DOP1B: variants seen among roughly 807,000 people sequenced by gnomAD.
DOP1B encodes protein DOP1B.
A neutral mutation model predicts 233.5 loss-of-function variants in DOP1B; 174 were observed. That is an observed-to-expected ratio of 0.75 (90% CI 0.66 to 0.85). The LOEUF is 0.85. Among genes scored for constraint, DOP1B ranks in the 40% least tolerant of loss-of-function variants. The probability of loss-of-function intolerance (pLI) is 0.00; values close to 1 mark genes in which losing one functional copy is unlikely to be tolerated. For missense variants in DOP1B, 2,652 were observed against 2,846.6 expected (o/e 0.93, Z 1.56); for synonymous variants, 1,190 against 1,185.6 (o/e 1.00, Z -0.08).
chr21:36,258,921 C>T (rs921258691), intron 23 of DOP1B, among the ~76,000 whole-genome samples: 1 of 151,740 alleles, frequency 6.6e-6, no homozygotes, highest in African/African-American at 2.4e-5. Flanking sequence ...GGGATCTGGC[C>T]CAGGTCTCCC....
chr21:36,286,639 A>AACACAC (rs3029064), intron 32 of DOP1B, among the ~76,000 whole-genome samples: 5 of 146,570 alleles, frequency 3.4e-5, no homozygotes, highest in East Asian at 4.2e-4. Context: ...CCATCTCAAA[A>AACACAC]ACACACACAC....
intron 11 of DOP1B, among the ~76,000 whole-genome samples, chr21:36,223,617 C>A (rs1038551887): frequency 8.5e-5 from 13 of 152,148 alleles, no homozygotes; most frequent in Admixed American, 3.9e-4. Context: ...ATCCTCAGCG[C>A]ATTTTCTGGT....
intron 23 of DOP1B, among the ~76,000 whole-genome samples, chr21:36,259,539 C>A (rs2063408949): frequency 6.6e-6 from 1 of 152,170 alleles, no homozygotes; most frequent in Non-Finnish European, 1.5e-5. Flanking sequence ...TCCCAAACTT[C>A]CGGGATTATA....
intron 2 of DOP1B, among the ~76,000 whole-genome samples, chr21:36,184,641 C>G (rs1046994078): frequency 5.3e-5 from 8 of 152,368 alleles, no homozygotes; most frequent in East Asian, 1.9e-4. Flanking sequence ...AACAGGCTAT[C>G]GTGGAGAGCT....
intron 1 of DOP1B, among the ~76,000 whole-genome samples, chr21:36,159,460 A>G (rs2065851007): frequency 6.6e-6 from 1 of 152,216 alleles, no homozygotes; most frequent in Non-Finnish European, 1.5e-5. Context: ...TCAAAAAAAA[A>G]GAAGAAAAAC....
At chr21:36,176,498 G>A (rs1601384135) in intron 2 of DOP1B, among the ~76,000 whole-genome samples, 1 of 151,514 alleles carries the variant, frequency 6.6e-6, no homozygotes, top group Non-Finnish European at 1.5e-5. Flanking sequence ...CCTAAATTTG[G>A]GGCTATGATT....
Position 36,211,554 on chromosome 21 carries a change from T to C in DOP1B, c.683T>C (p.Val228Ala), listed in dbSNP as rs1294593719. Residue 228 changes from valine (V) to alanine (A), a missense_variant and splice_region_variant, in exon 6 of 37, where the codon GTG becomes GCG. Around this residue, in one of 3 missense-constraint regions of DOP1B, gnomAD observed 2,617 missense variants for 2,794.3 expected, o/e 0.94. Coordinates refer to ENST00000691173, the MANE Select transcript of DOP1B (RefSeq NM_001320714.2). The part of the protein sequence containing the change: ...YMLGTNHQLT[V>A]KSLRASLLDS... ...CTAGTGCCGTTTGATCGTTTACAGG[T>C]GAAGTCTTTGCGTGCCTCCCTGTTG... The C allele has an allele frequency of 3.1e-6, 5 of 1,613,910 alleles. No homozygotes were observed. The highest frequency in any genetic ancestry group is 1.3e-5 in the African/African-American group (1 of 74,918).
chr21:36,200,103 T>G (rs7282770), intron 3 of DOP1B, among the ~76,000 whole-genome samples: 51,644 of 152,066 alleles, frequency 0.34, 9,047 homozygotes, highest in African/African-American at 0.44. Flanking sequence ...CACCCCATTT[T>G]GACTTTGCTA....
chr21:36,207,510 T>G (rs1167472260), intron 4 of DOP1B, among the ~76,000 whole-genome samples: 3 of 150,488 alleles, frequency 2.0e-5, no homozygotes, highest in South Asian at 2.1e-4. Flanking sequence ...TTTTTTTTTT[T>G]TTTTTTTTTG....
intron 7 of DOP1B, among the ~76,000 whole-genome samples, chr21:36,213,106 A>G (rs1197386676): frequency 6.6e-6 from 1 of 152,206 alleles, no homozygotes; most frequent in African/African-American, 2.4e-5. Flanking sequence ...AGATCTTACC[A>G]AAGTCAAGAA....
intron 26 of DOP1B, among the ~76,000 whole-genome samples, chr21:36,264,628 C>G (rs539448794): frequency 6.6e-6 from 1 of 151,980 alleles, no homozygotes; most frequent in East Asian, 1.9e-4. Flanking sequence ...CATGCCACCA[C>G]GCCCGGCTAA....
Position 36,230,570 on chromosome 21 carries a change from T to C in DOP1B, c.1786T>C (p.Ser596Pro). ...GGACAGTGGGATCGGGCTCAGTGCC[T>C]CGTCACCGGAGCTCTCTGAGCACTT... Reference protein sequence around the residue: ...SEDSGIGLSASSPELSEHLRV... With the variant: ...SEDSGIGLSAPSPELSEHLRV... Residue 596 changes from serine to proline, a missense_variant, in exon 14 of 37, where the codon TCG becomes CCG. This residue lies in a region of DOP1B where 2,617 missense variants were observed against 2,794.3 expected (regional missense o/e 0.94). Transcript: ENST00000691173. 1 of 1,614,202 alleles carries C rather than the reference T, an allele frequency of 6.2e-7. No homozygotes were observed. The highest frequency in any genetic ancestry group is 1.1e-5 in the South Asian group (1 of 91,082).
At chr21:36,262,003 A>G in intron 24 of DOP1B, 1 of 980,606 alleles carries the variant, frequency 1.0e-6, no homozygotes, top group Non-Finnish European at 1.2e-6. Context: ...CTCACTGTAA[A>G]TAACTCCAAC....
intron 35 of DOP1B, among the ~76,000 whole-genome samples, chr21:36,289,610 G>A (rs2067534220): frequency 6.6e-6 from 1 of 152,062 alleles, no homozygotes; most frequent in South Asian, 2.1e-4. Flanking sequence ...GATTCACTTT[G>A]CCCCATAGGC....
At position 36,251,200 on chromosome 21, in the gene DOP1B, G is replaced by A. The variant is rs779184335; in HGVS notation, c.5037G>A (p.Leu1679=). The A allele has an allele frequency of 6.2e-7, 1 of 1,613,752 alleles. No homozygotes were observed. Among genetic ancestry groups the A allele is most frequent in the African/African-American group, 1.3e-5 (1 of 74,836 alleles). ...AAATTTTAGACTTCTTAAACCCCTT[G>A]ACGGCCCATCTTGGGGTTCAGTTGA... is the stretch of plus-strand genomic sequence containing the variant. The part of the protein sequence containing the change: ...RQKILDFLNP[L]TAHLGVQLTA... The change falls in exon 22 of 37, where the codon TTG becomes TTA. Residue 1679 remains leucine, a synonymous_variant. Coordinates refer to ENST00000691173, the MANE Select transcript of DOP1B (RefSeq NM_001320714.2).
intron 27 of DOP1B, among the ~76,000 whole-genome samples, chr21:36,275,965 G>C (rs1443265662): frequency 1.3e-5 from 2 of 152,082 alleles, no homozygotes; most frequent in Non-Finnish European, 2.9e-5. Context: ...GTCCTAGGAT[G>C]CAGGAAAATG....
intron 23 of DOP1B, among the ~76,000 whole-genome samples, chr21:36,258,028 T>G (rs1324093806): frequency 1.4e-5 from 2 of 145,674 alleles, no homozygotes; most frequent in African/African-American, 2.6e-5. Context: ...GAGAGATAGA[T>G]GTAGTTAGAT....
chr21:36,222,800 A>G (rs941311623), intron 10 of DOP1B, among the ~76,000 whole-genome samples: 9 of 151,766 alleles, frequency 5.9e-5, no homozygotes, highest in Non-Finnish European at 1.3e-4. Context: ...CAGTGGCTCA[A>G]TCTCAGCTCA....
chr21:36,287,097 A>G (rs961729382), intron 32 of DOP1B, among the ~76,000 whole-genome samples: 6 of 151,652 alleles, frequency 4.0e-5, no homozygotes, highest in African/African-American at 1.5e-4. Flanking sequence ...GCTATGGAAG[A>G]AAAAAAAAGT....
Sources: gnomAD v4.1 joint callset for allele counts (sites outside exome capture counted in the v4.1 genomes callset) on GRCh38, gnomAD v4.1.1 for gene constraint, gnomAD v4.1.1 regional missense constraint, MANE v1.5 for transcripts, NCBI Gene and HGNC (gene_info 2026-07-23, HGNC 2026-07-21) for gene names.